Variants in C1orf21 observed in about 807,000 individuals in gnomAD.
C1orf21 encodes chromosome 1 open reading frame 21.
A neutral mutation model predicts 18.7 loss-of-function variants in C1orf21; 3 were observed. The observed-to-expected ratio is 0.16, with a 90% confidence interval of 0.07 to 0.42. The LOEUF is 0.42. C1orf21 is among the 10% of genes least tolerant of loss of function. C1orf21 has a pLI of 0.99. For synonymous variants in C1orf21, 41 were observed against 46.4 expected (o/e 0.88, Z 0.47); for missense variants, 104 against 143.6 (o/e 0.72, Z 1.41).
chr1:184,420,748 AC>A (rs916984976), intron 1 of C1orf21, among the ~76,000 whole-genome samples: 67 of 150,904 alleles, frequency 4.4e-4, no homozygotes, highest in African/African-American at 1.6e-3. Context: ...GTCTAAAATA[AC>A]CCCCCCACAC....
At chr1:184,478,807 A>G (rs1363479833) in intron 2 of C1orf21, among the ~76,000 whole-genome samples, 2 of 152,242 alleles carry the variant, frequency 1.3e-5, no homozygotes, top group African/African-American at 4.8e-5. Flanking sequence ...TGACATTTGC[A>G]CGATGCTTTC....
chr1:184,537,973 A>G (rs1658586164), intron 3 of C1orf21, among the ~76,000 whole-genome samples: 2 of 152,170 alleles, frequency 1.3e-5, no homozygotes, highest in African/African-American at 4.8e-5. Context: ...TCTTGGGCAC[A>G]TACCCAGAAG....
In C1orf21 at chr1:184,477,489, T is replaced by C. The variant is rs1190547932; in HGVS notation, c.-21T>C. ...GAGATGATTTGCAGTTCAGCCCGGCTGAAGCTGACCGAATGAGACTATGGG... is the reference window on the plus strand; with the variant it reads ...GAGATGATTTGCAGTTCAGCCCGGCCGAAGCTGACCGAATGAGACTATGGG... On this transcript the variant is annotated 5_prime_UTR_variant, in exon 2 of 6. Transcript: ENST00000235307. 6.2e-7 allele frequency: 1 copy of C among 1,607,604 alleles called. No individual in the cohort carries two copies. The highest frequency in any genetic ancestry group is 8.5e-7 in the Non-Finnish European group (1 of 1,175,642).
intron 1 of C1orf21, among the ~76,000 whole-genome samples, chr1:184,459,034 C>A (rs16823189): frequency 0.068 from 10,306 of 152,110 alleles, 1,154 homozygotes; most frequent in African/African-American, 0.24. Context: ...GTTATTTAAC[C>A]CTTCTATGTA....
At chr1:184,597,863 G>T (rs1659537423) in intron 4 of C1orf21, among the ~76,000 whole-genome samples, 1 of 152,170 alleles carries the variant, frequency 6.6e-6, no homozygotes, top group South Asian at 2.1e-4. Flanking sequence ...TTTCAGAGGT[G>T]TATCTGCTGC....
chr1:184,456,195 C>G (rs533341093), intron 1 of C1orf21, among the ~76,000 whole-genome samples: 1 of 152,270 alleles, frequency 6.6e-6, no homozygotes, highest in South Asian at 2.1e-4. Context: ...ATAAGTGAAA[C>G]CTTAGCTTCT....
rs1314554487 is a variant in C1orf21 at position 184,628,202 on chromosome 1, C to T, written c.*8646C>T. 6.6e-6 allele frequency: 1 copy of T among 152,166 alleles called. No homozygotes were observed. The highest frequency in any genetic ancestry group is 2.4e-5 in the African/African-American group (1 of 41,426). 9.4% of individuals were successfully genotyped at this position (152,166 alleles called of 1,614,324 possible). A position where few individuals can be genotyped will look rare whatever the true frequency, so the allele number is the denominator to read the frequency against. On this transcript the variant is annotated 3_prime_UTR_variant, in exon 6 of 6. Transcript: ENST00000235307. ...CATGAATTCTCCAAAGCAGTGGGCCCCCATCTGTTTCAATTACACATGCCT... is the reference window on the plus strand; with the variant it reads ...CATGAATTCTCCAAAGCAGTGGGCCTCCATCTGTTTCAATTACACATGCCT...
chr1:184,548,615 T>G (rs900061443), intron 3 of C1orf21, among the ~76,000 whole-genome samples: 2 of 152,146 alleles, frequency 1.3e-5, no homozygotes, highest in Non-Finnish European at 2.9e-5. Flanking sequence ...GTAGACAGAA[T>G]TCAGGGAGTC....
Position 184,387,751 on chromosome 1 carries a change from C to T in C1orf21, c.-125+383C>T, listed in dbSNP as rs2102054254. 6.6e-6 allele frequency among the ~76,000 whole-genome samples: 1 copy of T among 152,344 alleles called. No homozygotes were observed. The highest frequency in any genetic ancestry group is 2.4e-5 in the African/African-American group (1 of 41,588). ...TGCCGCCCTCAGCCTTCCTGCTCTCCTCTAGCTTTGCATGTAGCCACCGTA... is the reference window on the plus strand; with the variant it reads ...TGCCGCCCTCAGCCTTCCTGCTCTCTTCTAGCTTTGCATGTAGCCACCGTA... On this transcript the variant is annotated intron_variant, in intron 1 of 5. Coordinates refer to ENST00000235307, the MANE Select transcript of C1orf21 (RefSeq NM_030806.4). The surrounding 1 kb of genome is among the most constrained non-coding windows in gnomAD (Gnocchi z 5.6).
intron 4 of C1orf21, among the ~76,000 whole-genome samples, chr1:184,596,907 G>GA (rs1361643605): frequency 3.3e-5 from 5 of 151,094 alleles, no homozygotes; most frequent in Non-Finnish European, 5.9e-5. Flanking sequence ...GAAAAGAAAA[G>GA]AAAGAAGTGT....
chr1:184,577,958 T>G lies in C1orf21; in HGVS notation c.190-12781T>G, dbSNP rs528495269. ...TTGTTTTTTGTTTTGTTTTTGTTTT[T>G]TTTTTTTTTTTTTGAGACAGAGTCT... On this transcript the variant is annotated intron_variant, in intron 3 of 5. Transcript: ENST00000235307. Among the ~76,000 whole-genome samples, 173 of 144,542 alleles carry G rather than the reference T, an allele frequency of 1.2e-3. 2 individuals carry two copies. Among genetic ancestry groups the G allele is most frequent in the African/African-American group, 2.4e-3 (93 of 38,620 alleles). 94.8% of individuals were successfully genotyped at this position (144,542 alleles called of 152,430 possible).
chr1:184,537,560 G>C (rs533037640), intron 3 of C1orf21, among the ~76,000 whole-genome samples: 18 of 152,208 alleles, frequency 1.2e-4, no homozygotes, highest in Non-Finnish European at 2.2e-4. Context: ...GTAGAAGCTA[G>C]AGTTGTCTCC....
At chr1:184,563,715 T>G (rs1658996146) in intron 3 of C1orf21, among the ~76,000 whole-genome samples, 1 of 152,260 alleles carries the variant, frequency 6.6e-6, no homozygotes, top group Non-Finnish European at 1.5e-5. Flanking sequence ...CTGGCTATCC[T>G]CTATCCATTG....
At chr1:184,441,002 C>G (rs1656934897) in intron 1 of C1orf21, among the ~76,000 whole-genome samples, 6 of 152,098 alleles carry the variant, frequency 3.9e-5, no homozygotes, top group African/African-American at 7.2e-5. Flanking sequence ...TTTGTTTGAC[C>G]TAATGTCCTA....
intron 1 of C1orf21, among the ~76,000 whole-genome samples, chr1:184,457,524 C>T (rs867184954): frequency 6.6e-6 from 1 of 152,154 alleles, no homozygotes; most frequent in Middle Eastern, 3.4e-3. Context: ...ATAAGTCTAC[C>T]GCAGGCAATC....
At chr1:184,488,242 AG>A (rs755002464) in intron 2 of C1orf21, among the ~76,000 whole-genome samples, 3 of 152,368 alleles carry the variant, frequency 2.0e-5, no homozygotes, top group Non-Finnish European at 4.4e-5. Flanking sequence ...AAAAGACCAA[AG>A]GACATGCATG....
chr1:184,453,254 C>A (rs1438163584), intron 1 of C1orf21, among the ~76,000 whole-genome samples: 1 of 152,188 alleles, frequency 6.6e-6, no homozygotes, highest in African/African-American at 2.4e-5. Context: ...TATTAACTAG[C>A]TGACTTTGCC....
chr1:184,607,683 A>C (rs1156854491), intron 5 of C1orf21, among the ~76,000 whole-genome samples: 1 of 146,158 alleles, frequency 6.8e-6, no homozygotes, highest in Non-Finnish European at 1.5e-5. Flanking sequence ...ATATATATAC[A>C]TATATGTGTG....
chr1:184,496,294 C>T (rs546063008), intron 2 of C1orf21, among the ~76,000 whole-genome samples: 1 of 152,160 alleles, frequency 6.6e-6, no homozygotes, highest in Non-Finnish European at 1.5e-5. Context: ...GGTAATGTGG[C>T]TTGCTCTGTA....
Sources: allele counts gnomAD v4.1 joint callset (sites outside exome capture counted in the v4.1 genomes callset), GRCh38; gene constraint gnomAD v4.1.1; non-coding constraint Gnocchi (gnomAD v3.1); transcripts MANE v1.5; gene names NCBI Gene and HGNC (gene_info 2026-07-23, HGNC 2026-07-21).